Variants in PHACTR1 observed in about 807,000 individuals in gnomAD.
The protein encoded by PHACTR1 is phosphatase and actin regulator 1, also known as RPEL repeat containing 1.
A neutral mutation model predicts 69.2 loss-of-function variants in PHACTR1; 16 were observed. The observed-to-expected ratio is 0.23, with a 90% CI of 0.16 to 0.35. The LOEUF (loss-of-function observed/expected upper bound fraction) is 0.35, where lower values mean the gene tolerates loss of function less well. Ranked by LOEUF, PHACTR1 falls within the 10% of genes least tolerant of loss-of-function variation. The probability of loss-of-function intolerance (pLI) is 1.00; values close to 1 mark genes in which losing one functional copy is unlikely to be tolerated. For missense variants in PHACTR1, 510 were observed against 734.7 expected, an observed-to-expected ratio of 0.69 and a Z score of 3.54; for synonymous variants, 312 against 284.5, an observed-to-expected ratio of 1.10 and a Z score of -0.97.
chr6:12,733,660 A>G (rs1460532234), intron 3 of PHACTR1, among the ~76,000 whole-genome samples: 1 of 152,230 alleles, frequency 6.6e-6, no homozygotes, highest in African/African-American at 2.4e-5. Flanking sequence ...TATGGGGCTC[A>G]AATAGGATTA....
In PHACTR1 at chr6:12,946,805, A is replaced by ATTT. The variant is rs11412388; in HGVS notation, c.251-106537_251-106535dup. ...ACATACAGTGCAATGATGGTGCTGG[A>ATTT]TTTTTTTTTTTTTTTTTTTTTTTTT... On this transcript the variant is annotated intron_variant, in intron 4 of 14. Transcript: ENST00000332995. Among the ~76,000 whole-genome samples, 173 of 85,216 alleles carry ATTT rather than the reference A, an allele frequency of 2.0e-3. 3 individuals carry two copies. The highest frequency in any genetic ancestry group is 4.7e-3 in the African/African-American group (91 of 19,532). 55.9% of individuals were successfully genotyped at this position (85,216 alleles called of 152,430 possible).
At chr6:12,739,915 A>G (rs1764814698) in intron 3 of PHACTR1, among the ~76,000 whole-genome samples, 2 of 152,222 alleles carry the variant, frequency 1.3e-5, no homozygotes, top group South Asian at 2.1e-4. Context: ...AACTTTTACA[A>G]AAGTTATCAC....
At chr6:13,131,208 T>TACACAGACAC (rs67522119) in intron 5 of PHACTR1, among the ~76,000 whole-genome samples, 1 of 146,374 alleles carries the variant, frequency 6.8e-6, no homozygotes, top group African/African-American at 2.6e-5. Flanking sequence ...TATATACACA[T>TACACAGACAC]ACACACACAC....
intron 10 of PHACTR1, among the ~76,000 whole-genome samples, chr6:13,261,908 T>C (rs1775966165): frequency 6.6e-6 from 1 of 152,112 alleles, no homozygotes; most frequent in Non-Finnish European, 1.5e-5. Context: ...CAAGAAGAGA[T>C]CATTCTGGGT....
At chr6:13,093,509 T>C (rs1382874827) in intron 5 of PHACTR1, among the ~76,000 whole-genome samples, 1 of 152,160 alleles carries the variant, frequency 6.6e-6, no homozygotes, top group African/African-American at 2.4e-5. Flanking sequence ...ACTCTAACAC[T>C]GGGTCAGCAA....
chr6:13,177,381 C>CTATA lies in PHACTR1; in HGVS notation c.497-5129_497-5126dup, dbSNP rs144616334. Among the ~76,000 whole-genome samples, 999 of 147,854 alleles carry CTATA rather than the reference C, an allele frequency of 6.8e-3. 9 individuals are homozygous for CTATA. Among genetic ancestry groups the CTATA allele is most frequent in the African/African-American group, 0.023 (910 of 39,536 alleles). On this transcript the variant is annotated intron_variant, in intron 6 of 14. Transcript: ENST00000332995. ...TCTCTTGCGCTCTCTCTCTCTCTCT[C>CTATA]TATATATATATACACACACACACAG...
intron 6 of PHACTR1, among the ~76,000 whole-genome samples, chr6:13,163,177 G>C (rs1305489980): frequency 6.6e-6 from 1 of 152,180 alleles, no homozygotes; most frequent in Non-Finnish European, 1.5e-5. Flanking sequence ...CCCAGGAGGT[G>C]GAGGTTGCAG....
chr6:12,978,999 C>T (rs1795198448), intron 4 of PHACTR1, among the ~76,000 whole-genome samples: 1 of 152,142 alleles, frequency 6.6e-6, no homozygotes, highest in African/African-American at 2.4e-5. Context: ...GAGGGAGATG[C>T]CCCTAGCACT....
At chr6:12,757,220 G>A (rs1393091774) in intron 4 of PHACTR1, among the ~76,000 whole-genome samples, 2 of 152,126 alleles carry the variant, frequency 1.3e-5, no homozygotes, top group African/African-American at 2.4e-5. Context: ...GCCCATATGG[G>A]GTGGGGAGCA....
intron 4 of PHACTR1, among the ~76,000 whole-genome samples, chr6:13,041,742 G>A (rs1804211739): frequency 6.6e-6 from 1 of 152,254 alleles, no homozygotes; most frequent in Non-Finnish European, 1.5e-5. Flanking sequence ...ATTAATGGAG[G>A]GAAAGATTTT....
intron 4 of PHACTR1, among the ~76,000 whole-genome samples, chr6:12,765,089 T>C (rs1052786158): frequency 2.6e-5 from 4 of 152,186 alleles, no homozygotes; most frequent in African/African-American, 9.7e-5. Flanking sequence ...GTGAAGTACC[T>C]GGCGTAGTCA....
At chr6:13,282,553 A>T (rs1780515096) in intron 12 of PHACTR1, among the ~76,000 whole-genome samples, 1 of 152,022 alleles carries the variant, frequency 6.6e-6, no homozygotes. Flanking sequence ...TTGTTGACTG[A>T]CCTTCCCCTT....
chr6:13,265,990 A>G (rs1378728143), intron 10 of PHACTR1, among the ~76,000 whole-genome samples: 2 of 152,204 alleles, frequency 1.3e-5, no homozygotes, highest in African/African-American at 4.8e-5. Context: ...AGCTAAATGT[A>G]TCCTGCTGCC....
At chr6:12,895,964 G>T (rs1256159430) in intron 4 of PHACTR1, among the ~76,000 whole-genome samples, 1 of 152,192 alleles carries the variant, frequency 6.6e-6, no homozygotes, top group Non-Finnish European at 1.5e-5. Context: ...TCCTAGTGAA[G>T]AAGCCCTCTG....
chr6:12,789,078 G>A (rs1042695955), intron 4 of PHACTR1, among the ~76,000 whole-genome samples: 5 of 152,118 alleles, frequency 3.3e-5, no homozygotes, highest in Admixed American at 6.5e-5. Context: ...TCAGTTTTGC[G>A]CACAATGCCT....
At chr6:12,758,466 T>TAAAAAAA (rs11361990) in intron 4 of PHACTR1, among the ~76,000 whole-genome samples, 1 of 95,796 alleles carries the variant, frequency 1.0e-5, no homozygotes, top group Non-Finnish European at 2.0e-5. Context: ...ACTCTCTTTC[T>TAAAAAAA]AAAAAAAAAA....
chr6:13,010,589 G>A (rs910302701), intron 4 of PHACTR1, among the ~76,000 whole-genome samples: 8 of 152,144 alleles, frequency 5.3e-5, no homozygotes, highest in East Asian at 1.9e-4. Context: ...TGCAGATTCC[G>A]GGCTAGAGCT....
At chr6:12,989,652 T>C (rs562028326) in intron 4 of PHACTR1, among the ~76,000 whole-genome samples, 1 of 152,086 alleles carries the variant, frequency 6.6e-6, no homozygotes, top group Admixed American at 6.6e-5. Context: ...AGAGACAAGT[T>C]AAGAGTTTAT....
At position 12,718,691 on chromosome 6, in the gene PHACTR1, CTT is replaced by C; in HGVS notation, c.-46-6_-46-5del. 1.1e-6 allele frequency: 1 copy of C among 940,662 alleles called. No individual in the cohort carries two copies. Among genetic ancestry groups the C allele is most frequent in the South Asian group, 1.9e-5 (1 of 53,554 alleles). The allele number at this position is 940,662 out of a possible 1,614,324, so 58.3% of individuals were successfully genotyped here. On this transcript the variant is annotated splice_region_variant and splice_polypyrimidine_tract_variant and intron_variant, in intron 2 of 14. Coordinates refer to ENST00000332995, the MANE Select transcript of PHACTR1 (RefSeq NM_030948.6). ...AAAATATTGTGGATTTTTTTTTCCTCTTTATAGGTGTTCCAGTGTTTTCTCTC... is the reference window on the plus strand; with the variant it reads ...AAAATATTGTGGATTTTTTTTTCCTCTATAGGTGTTCCAGTGTTTTCTCTC...
Sources: gnomAD v4.1 joint callset for allele counts (sites outside exome capture counted in the v4.1 genomes callset) on GRCh38, gnomAD v4.1.1 for gene constraint, MANE v1.5 for transcripts, NCBI Gene and HGNC (gene_info 2026-07-23, HGNC 2026-07-21) for gene names.